GPC5: variants seen among roughly 807,000 people sequenced by gnomAD.
GPC5 encodes the protein glypican 5.
Under a neutral mutation model 53.9 loss-of-function variants are expected in GPC5, and 47 were observed. That is an observed-to-expected ratio of 0.87 (90% CI 0.69 to 1.11). The LOEUF (loss-of-function observed/expected upper bound fraction) is 1.11, where lower values mean the gene tolerates loss of function less well. Ranked by LOEUF, GPC5 falls within the 50% of genes most tolerant of loss-of-function variation. The pLI, the probability that GPC5 is intolerant of heterozygous loss-of-function variation, is 0.00. For synonymous variants in GPC5, 286 were observed against 263.3 expected (o/e 1.09, Z -0.84); for missense variants, 748 against 713.1 (o/e 1.05, Z -0.56).
chr13:92,811,397 G>C (rs566805429), intron 7 of GPC5, among the ~76,000 whole-genome samples: 1 of 151,648 alleles, frequency 6.6e-6, no homozygotes, highest in South Asian at 2.1e-4. Flanking sequence ...GAGTATCTTT[G>C]TAAGGTGCTT....
At chr13:92,069,243 C>T (rs747002382) in intron 6 of GPC5, among the ~76,000 whole-genome samples, 16 of 152,000 alleles carry the variant, frequency 1.1e-4, no homozygotes, top group Admixed American at 2.6e-4. Context: ...TATGCTAAAA[C>T]AAACAACACT....
intron 7 of GPC5, among the ~76,000 whole-genome samples, chr13:92,354,448 T>C (rs1293081835): frequency 2.0e-5 from 3 of 152,244 alleles, no homozygotes; most frequent in Admixed American, 6.5e-5. Context: ...TCAACAGTAG[T>C]AATGAGACAA....
In GPC5 at chr13:92,776,786, G is replaced by A. The variant is rs181804786; in HGVS notation, c.1562-89496G>A. Among the ~76,000 whole-genome samples, 162 of 152,044 alleles carry A rather than the reference G, an allele frequency of 1.1e-3. 3 individuals carry two copies. The highest frequency in any genetic ancestry group is 7.4e-5 in the Non-Finnish European group (5 of 67,994). On this transcript the variant is annotated intron_variant, in intron 7 of 7. Coordinates refer to ENST00000377067, the MANE Select transcript of GPC5 (RefSeq NM_004466.6). ...AGACCTGATCATACCCTGTCTTTCTGGCTTAACTGCAGACAGTCTCCTTGT... is the reference window on the plus strand; with the variant it reads ...AGACCTGATCATACCCTGTCTTTCTAGCTTAACTGCAGACAGTCTCCTTGT...
At chr13:91,856,454 G>A (rs1157063723) in intron 5 of GPC5, among the ~76,000 whole-genome samples, 7 of 151,620 alleles carry the variant, frequency 4.6e-5, no homozygotes, top group Admixed American at 2.6e-4. Flanking sequence ...GTGAGAGGTT[G>A]AGTTGTTCAT....
At position 92,094,515 on chromosome 13, in the gene GPC5, C is replaced by T. The variant is rs1594760408; in HGVS notation, c.1402-50315C>T. The stretch of plus-strand genomic sequence containing the variant: ...CAGCCTGGGCGAAAGAGCAAGACTC[C>T]GTCTCAAAAAAAAAAAAAAAAAAAA... On this transcript the variant is annotated intron_variant, in intron 6 of 7. Coordinates refer to ENST00000377067, the MANE Select transcript of GPC5 (RefSeq NM_004466.6). 3.1e-5 allele frequency among the ~76,000 whole-genome samples: 3 copies of T among 95,602 alleles called. No homozygotes were observed. In the South Asian group the frequency reaches 1.0e-3, roughly 33 times the overall value. The allele number at this position is 95,602 out of a possible 152,430, so 62.7% of individuals were successfully genotyped here. A position where few individuals can be genotyped will look rare whatever the true frequency, so the allele number is the denominator to read the frequency against.
At chr13:92,547,181 G>T (rs9523710) in intron 7 of GPC5, among the ~76,000 whole-genome samples, 1 of 152,110 alleles carries the variant, frequency 6.6e-6, no homozygotes, top group African/African-American at 2.4e-5. Flanking sequence ...AGAGGAATTA[G>T]ATTAAAAGGG....
At chr13:92,364,955 G>A (rs946092751) in intron 7 of GPC5, among the ~76,000 whole-genome samples, 1 of 151,698 alleles carries the variant, frequency 6.6e-6, no homozygotes, top group African/African-American at 2.4e-5. Flanking sequence ...TTTGTACACA[G>A]TTCAAAGAGA....
At chr13:91,681,015 C>T (rs953194711) in intron 2 of GPC5, among the ~76,000 whole-genome samples, 16 of 151,422 alleles carry the variant, frequency 1.1e-4, no homozygotes, top group African/African-American at 2.4e-4. Context: ...ATAATACATA[C>T]GAATAATATG....
intron 2 of GPC5, among the ~76,000 whole-genome samples, chr13:91,586,524 A>C (rs1396851007): frequency 3.5e-5 from 1 of 28,526 alleles, no homozygotes; most frequent in South Asian, 1.2e-3. Flanking sequence ...ATATATATAT[A>C]TATATATATA....
intron 7 of GPC5, among the ~76,000 whole-genome samples, chr13:92,838,180 G>T (rs1267462046): frequency 6.6e-6 from 1 of 151,396 alleles, no homozygotes; most frequent in Admixed American, 6.6e-5. Context: ...CCTACTTTTA[G>T]CCCACTGAAA....
rs547657489 is a variant in GPC5 at position 91,882,513 on chromosome 13, TAA to T, written c.1281-25422_1281-25421del. Among the ~76,000 whole-genome samples the T allele has an allele frequency of 5.6e-3, 846 of 152,068 alleles. 13 individuals are homozygous for T. The highest frequency in any genetic ancestry group is 0.019 in the African/African-American group (807 of 41,562). ...ACTTTATGTGAAATCAATGATGTTATAAATAGTCTTTGATTTTTACTTTATTA... is the reference window on the plus strand; with the variant it reads ...ACTTTATGTGAAATCAATGATGTTATATAGTCTTTGATTTTTACTTTATTA... On this transcript the variant is annotated intron_variant, in intron 5 of 7. Coordinates refer to ENST00000377067, the MANE Select transcript of GPC5 (RefSeq NM_004466.6).
At chr13:91,806,058 C>T (rs571872435) in intron 5 of GPC5, among the ~76,000 whole-genome samples, 2 of 101,910 alleles carry the variant, frequency 2.0e-5, no homozygotes, top group African/African-American at 4.0e-5. Flanking sequence ...TTTTGGAGAC[C>T]GAGTCTTTCC....
intron 7 of GPC5, among the ~76,000 whole-genome samples, chr13:92,245,316 T>A (rs1411750): frequency 0.27 from 40,678 of 152,028 alleles, 5,881 homozygotes; most frequent in Non-Finnish European, 0.33. Flanking sequence ...AGCTTCCGCA[T>A]CCTATCCCCT....
chr13:91,872,336 G>A (rs1393631307), intron 5 of GPC5, among the ~76,000 whole-genome samples: 7 of 152,112 alleles, frequency 4.6e-5, no homozygotes, highest in African/African-American at 1.7e-4. Flanking sequence ...TATCACTCAA[G>A]TTCAAAAAAA....
intron 7 of GPC5, among the ~76,000 whole-genome samples, chr13:92,757,865 C>G (rs1246331930): frequency 6.6e-6 from 1 of 151,530 alleles, no homozygotes; most frequent in Non-Finnish European, 1.5e-5. Context: ...GAAATAGGAA[C>G]ACTTTTACAC....
intron 4 of GPC5, among the ~76,000 whole-genome samples, chr13:91,755,227 G>T (rs560719417): frequency 6.6e-6 from 1 of 151,936 alleles, no homozygotes; most frequent in Admixed American, 6.6e-5. Context: ...AGTTACTCCA[G>T]GCATAATTTA....
intron 7 of GPC5, among the ~76,000 whole-genome samples, chr13:92,734,551 C>A (rs1419742302): frequency 6.6e-6 from 1 of 151,740 alleles, no homozygotes; most frequent in East Asian, 1.9e-4. Flanking sequence ...TAAAGAAGCA[C>A]CCTTGTTTTA....
At position 92,325,299 on chromosome 13, in the gene GPC5, A is replaced by G. The variant is rs573986914; in HGVS notation, c.1561+180310A>G. 3.3e-5 allele frequency among the ~76,000 whole-genome samples: 5 copies of G among 152,150 alleles called. No homozygotes were observed. In the South Asian group the frequency reaches 1.0e-3, roughly 32 times the overall value. On this transcript the variant is annotated intron_variant, in intron 7 of 7. Coordinates refer to ENST00000377067, the MANE Select transcript of GPC5 (RefSeq NM_004466.6). ...TGAAGGGACAGTCAATGCCTTTAAAAGCACATATTGATTCAGATTGGATAA... is the reference window on the plus strand; with the variant it reads ...TGAAGGGACAGTCAATGCCTTTAAAGGCACATATTGATTCAGATTGGATAA...
chr13:91,505,770 G>A (rs1884905934), intron 2 of GPC5, among the ~76,000 whole-genome samples: 1 of 152,124 alleles, frequency 6.6e-6, no homozygotes. Flanking sequence ...AAATCCATAA[G>A]TGTATGGATG....
Sources: allele counts gnomAD v4.1 joint callset (sites outside exome capture counted in the v4.1 genomes callset), GRCh38; gene constraint gnomAD v4.1.1; transcripts MANE v1.5; gene names NCBI Gene and HGNC (gene_info 2026-07-23, HGNC 2026-07-21).